The following ZFHX3 variants were observed in gnomAD, a reference collection of about 807,000 sequenced individuals.
ZFHX3 encodes zinc finger homeobox 3.
A neutral mutation model predicts 279.1 loss-of-function variants in ZFHX3; 42 were observed. The observed-to-expected ratio is 0.15, with a 90% CI of 0.12 to 0.19. The LOEUF is 0.19. Ranked by LOEUF, ZFHX3 falls within the 10% of genes least tolerant of loss-of-function variation. ZFHX3 has a pLI of 1.00. For missense variants in ZFHX3, 4,981 were observed against 4,754.0 expected (o/e 1.05, Z -1.40); for synonymous variants, 2,293 against 1,957.8 (o/e 1.17, Z -4.52).
intron 1 of ZFHX3, among the ~76,000 whole-genome samples, chr16:73,005,062 A>C (rs1963655645): frequency 6.6e-6 from 1 of 152,232 alleles, no homozygotes; most frequent in Admixed American, 6.5e-5. Flanking sequence ...TGTCAGTTAC[A>C]TCAGTGTCCA....
chr16:73,880,350 C>G (rs554630111), intron 1 of ZFHX3, among the ~76,000 whole-genome samples: 1 of 151,022 alleles, frequency 6.6e-6, no homozygotes, highest in African/African-American at 2.5e-5. Flanking sequence ...AAATAATAAA[C>G]TGAAAAATAG....
intron 1 of ZFHX3, among the ~76,000 whole-genome samples, chr16:73,796,742 A>G (rs1287833407): frequency 1.3e-5 from 2 of 152,124 alleles, no homozygotes; most frequent in South Asian, 4.1e-4. Flanking sequence ...CTTCGGGGAG[A>G]GAGTGGGGAC....
intron 1 of ZFHX3, among the ~76,000 whole-genome samples, chr16:73,730,681 G>C (rs557128735): frequency 6.6e-6 from 1 of 152,330 alleles, no homozygotes; most frequent in East Asian, 1.9e-4. Context: ...TGCTAATGAA[G>C]TCCTTTATTG....
intron 4 of ZFHX3, among the ~76,000 whole-genome samples, chr16:72,841,000 A>G (rs1398369073): frequency 6.6e-6 from 1 of 152,172 alleles, no homozygotes; most frequent in Non-Finnish European, 1.5e-5. Context: ...TACAAAGGTC[A>G]CTACGTATTT....
rs563382185 is a variant in ZFHX3, at chr16:72,900,369, C to A, written c.3217-10407G>T. ...TCCAATCCCATGACAGTCAATCCAG[C>A]AGAAAAAAACACGTGTCTACTGGTC... On this transcript the variant is annotated intron_variant, in intron 3 of 9. Transcript: ENST00000268489. Among the ~76,000 whole-genome samples, 3 of 152,226 alleles carry A rather than the reference C, an allele frequency of 2.0e-5. No individual in the cohort carries two copies. In the South Asian group the frequency reaches 6.2e-4, roughly 32 times the overall value.
At chr16:73,536,744 T>C (rs1469367907) in intron 2 of ZFHX3, among the ~76,000 whole-genome samples, 1 of 152,152 alleles carries the variant, frequency 6.6e-6, no homozygotes, top group East Asian at 1.9e-4. Flanking sequence ...TTTCTCCGTC[T>C]CACTCCTGCG....
At chr16:73,573,987 C>G (rs1488573795) in intron 2 of ZFHX3, among the ~76,000 whole-genome samples, 1 of 152,220 alleles carries the variant, frequency 6.6e-6, no homozygotes, top group African/African-American at 2.4e-5. Context: ...CTTCCCTCTC[C>G]TCCCTTCTTT....
At chr16:73,041,426 T>C (rs1430149116) in intron 1 of ZFHX3, among the ~76,000 whole-genome samples, 1 of 122,448 alleles carries the variant, frequency 8.2e-6, no homozygotes, top group African/African-American at 3.7e-5. Flanking sequence ...GAGGTGACCC[T>C]ACTACCGTCA....
chr16:72,923,911 T>C (rs1400517660), intron 3 of ZFHX3, among the ~76,000 whole-genome samples: 3 of 152,208 alleles, frequency 2.0e-5, no homozygotes, highest in Non-Finnish European at 2.9e-5. Context: ...CGTCTTTAAG[T>C]TGTGTACAAT....
At chr16:73,691,959 T>C (rs778144177) in intron 1 of ZFHX3, among the ~76,000 whole-genome samples, 10 of 152,182 alleles carry the variant, frequency 6.6e-5, no homozygotes, top group Non-Finnish European at 1.0e-4. Flanking sequence ...GTTTCAAATT[T>C]AGAAGGTAAA....
In ZFHX3 at chr16:72,787,047, T is replaced by TTC; in HGVS notation, c.*116_*117insGA. The TTC allele has an allele frequency of 9.8e-7, 1 of 1,017,892 alleles. No individual in the cohort carries two copies. Among genetic ancestry groups the TTC allele is most frequent in the Admixed American group, 4.5e-5 (1 of 22,372 alleles). The allele number at this position is 1,017,892 out of a possible 1,614,324, so 63.1% of individuals were successfully genotyped here. ...CGCTTTTTCTTTTTTTTCTTTTTTT[T>TTC]TTTTTTTTTGTTTTTTGGTTAGAAG... is the stretch of plus-strand genomic sequence containing the variant. On this transcript the variant is annotated 3_prime_UTR_variant, in exon 10 of 10. Coordinates refer to ENST00000268489, the MANE Select transcript of ZFHX3 (RefSeq NM_006885.4).
At chr16:73,062,726 A>C (rs1215890623), upstream of ZFHX3, among the ~76,000 whole-genome samples, 5 of 152,014 alleles carry the variant, frequency 3.3e-5, no homozygotes, top group African/African-American at 7.2e-5. Context: ...AAGCAAAAAA[A>C]AAAAAGGAAG....
intron 2 of ZFHX3, among the ~76,000 whole-genome samples, chr16:73,552,332 C>G (rs1365167209): frequency 6.6e-6 from 1 of 152,100 alleles, no homozygotes; most frequent in East Asian, 1.9e-4. Context: ...CCTATTATGC[C>G]CTGTACATGT....
chr16:73,342,389 A>G (rs1160463743), intron 3 of ZFHX3, among the ~76,000 whole-genome samples: 1 of 152,218 alleles, frequency 6.6e-6, no homozygotes, highest in Non-Finnish European at 1.5e-5. Flanking sequence ...ATACTGAAGC[A>G]TGGTTCACAA....
At chr16:73,033,915 CTCTGAAAGCA>C (rs751551759) in intron 1 of ZFHX3, among the ~76,000 whole-genome samples, 19 of 152,172 alleles carry the variant, frequency 1.2e-4, no homozygotes, top group South Asian at 2.1e-4. Context: ...TTCCCGGCCG[CTCTGAAAGCA>C]TCTGAAAGCA....
At chr16:73,646,296 T>A (rs2052617774) in intron 2 of ZFHX3, among the ~76,000 whole-genome samples, 1 of 152,072 alleles carries the variant, frequency 6.6e-6, no homozygotes, top group Admixed American at 6.5e-5. Flanking sequence ...AGTTGCAAAA[T>A]CAAAACTACT....
chr16:73,373,563 GAGCT>G (rs1441587581), intron 3 of ZFHX3, among the ~76,000 whole-genome samples: 6 of 152,262 alleles, frequency 3.9e-5, no homozygotes, highest in African/African-American at 1.4e-4. Flanking sequence ...CCAGAAAACC[GAGCT>G]ACCACCAAAT....
intron 4 of ZFHX3, among the ~76,000 whole-genome samples, chr16:72,878,005 G>A (rs2038360239): frequency 6.6e-6 from 1 of 151,952 alleles, no homozygotes; most frequent in Admixed American, 6.6e-5. Flanking sequence ...GAACAGCCCT[G>A]ACAACATAGT....
chr16:73,145,600 A>T (rs1332892639), intron 5 of ZFHX3, among the ~76,000 whole-genome samples: 2 of 152,200 alleles, frequency 1.3e-5, no homozygotes, highest in Admixed American at 1.3e-4. Flanking sequence ...CCGCTTATTG[A>T]TGACTGAGTT....
Sources: gnomAD v4.1 joint callset for allele counts (sites outside exome capture counted in the v4.1 genomes callset) on GRCh38, gnomAD v4.1.1 for gene constraint, MANE v1.5 for transcripts, NCBI Gene and HGNC (gene_info 2026-07-23, HGNC 2026-07-21) for gene names.